ANTXR2: variants seen among roughly 807,000 people sequenced by gnomAD.
The protein encoded by ANTXR2 is anthrax toxin receptor 2.
In ANTXR2, 44 loss-of-function variants were observed where a neutral mutation model predicts 73.7. That is an observed-to-expected ratio of 0.60 (90% CI 0.47 to 0.77). The LOEUF (loss-of-function observed/expected upper bound fraction) is 0.77, where lower values mean the gene tolerates loss of function less well. Among genes scored for constraint, ANTXR2 ranks in the 30% least tolerant of loss-of-function variants. The pLI is 0.00. For synonymous variants in ANTXR2, 217 were observed against 205.9 expected, an observed-to-expected ratio of 1.05 and a Z score of -0.46; for missense variants, 604 against 592.5, an observed-to-expected ratio of 1.02 and a Z score of -0.20.
chr4:79,910,055 A>T (rs1260744317), intron 16 of ANTXR2, among the ~76,000 whole-genome samples: 1 of 152,228 alleles, frequency 6.6e-6, no homozygotes, highest in Non-Finnish European at 1.5e-5. Context: ...TAACTGTGTG[A>T]CCATGGGCGA....
intron 12 of ANTXR2, among the ~76,000 whole-genome samples, chr4:80,003,612 G>A (rs992473199): frequency 2.0e-5 from 3 of 151,854 alleles, no homozygotes; most frequent in Admixed American, 6.6e-5. Context: ...TACATTTAGA[G>A]CCATTTCACC....
chr4:80,061,697 T>C (rs1734269737), intron 3 of ANTXR2, among the ~76,000 whole-genome samples: 2 of 152,104 alleles, frequency 1.3e-5, no homozygotes, highest in African/African-American at 4.8e-5. Context: ...CTTAGAATTG[T>C]ACTTTACCTG....
intron 16 of ANTXR2, among the ~76,000 whole-genome samples, chr4:79,965,538 CAT>C (rs773144713): frequency 2.6e-5 from 4 of 152,168 alleles, no homozygotes; most frequent in Non-Finnish European, 5.9e-5. Flanking sequence ...TAAGCACACA[CAT>C]GGAACTTGTA....
rs183925923 is a variant in ANTXR2 at position 80,032,526 on chromosome 4, T to A, written c.797-834A>T. Among the ~76,000 whole-genome samples, 167 of 152,002 alleles carry A rather than the reference T, an allele frequency of 1.1e-3. 2 individuals are homozygous for A. The highest frequency in any genetic ancestry group is 3.9e-3 in the African/African-American group (160 of 41,544). Reference sequence around the variant, plus strand: ...GAGGAATTAATTATGACATTTAGCATGCTAAGATCCTTACCATTTTAATTC... The same window carrying A: ...GAGGAATTAATTATGACATTTAGCAAGCTAAGATCCTTACCATTTTAATTC... On this transcript the variant is annotated intron_variant, in intron 9 of 16. Transcript: ENST00000403729.
chr4:79,984,884 TA>T, intron 12 of ANTXR2, 21 bp from the exon 13 acceptor site: 1 of 1,564,024 alleles, frequency 6.4e-7, no homozygotes, highest in Non-Finnish European at 8.7e-7. Context: ...AAATCAAATA[TA>T]AAAATTTCTA....
At chr4:80,051,863 A>C (rs1275518524) in intron 7 of ANTXR2, among the ~76,000 whole-genome samples, 2 of 151,688 alleles carry the variant, frequency 1.3e-5, no homozygotes, top group Non-Finnish European at 3.0e-5. Context: ...ATTCTAGACA[A>C]ATGATGTCTT....
chr4:80,016,474 G>GCT lies in ANTXR2; in HGVS notation c.945+2422_945+2423dup, dbSNP rs1731878221. On this transcript the variant is annotated intron_variant, in intron 11 of 16. Coordinates refer to ENST00000403729, the MANE Select transcript of ANTXR2 (RefSeq NM_058172.6). ...GGTACTCTTTCCCTTCTTGCTCTAA[G>GCT]CTCCTGGAAGCCACTATTTCCCAGT... Among the ~76,000 whole-genome samples the GCT allele has an allele frequency of 2.0e-5, 3 of 152,188 alleles. No individual in the cohort carries two copies. In the South Asian group the frequency reaches 6.2e-4, roughly 32 times the overall value.
At chr4:80,042,411 G>C (rs1733310529) in intron 7 of ANTXR2, among the ~76,000 whole-genome samples, 1 of 151,960 alleles carries the variant, frequency 6.6e-6, no homozygotes, top group African/African-American at 2.4e-5. Flanking sequence ...GTTTGGGGGT[G>C]TTTTTCTTTC....
chr4:79,908,055 A>T (rs1355408816), intron 16 of ANTXR2, among the ~76,000 whole-genome samples: 2 of 152,154 alleles, frequency 1.3e-5, no homozygotes, highest in South Asian at 4.1e-4. Flanking sequence ...TCTAAAGAGG[A>T]TTTGCCATTC....
rs915000448 is a variant in ANTXR2, at chr4:79,964,800, G to T, written c.1428+12821C>A. The T allele has an allele frequency of 5.3e-5, 8 of 152,306 alleles. No homozygotes were observed. The East Asian group carries it at 1.4e-3, about 26-fold the overall frequency. 9.4% of individuals were successfully genotyped at this position (152,306 alleles called of 1,614,324 possible). ...GCCGCCGCTGCAAACAGATGTCAGC[G>T]ACAACCTGCTAGCTTACACCTGGAC... is the stretch of plus-strand genomic sequence containing the variant. On this transcript the variant is annotated intron_variant, in intron 16 of 16. Coordinates refer to ENST00000403729, the MANE Select transcript of ANTXR2 (RefSeq NM_058172.6).
intron 16 of ANTXR2, among the ~76,000 whole-genome samples, chr4:79,910,933 C>T (rs1727108329): frequency 6.6e-6 from 1 of 152,096 alleles, no homozygotes; most frequent in Non-Finnish European, 1.5e-5. Flanking sequence ...GTCTTACTTC[C>T]AGGCAACTAC....
At chr4:79,999,632 T>C (rs1349249215) in intron 12 of ANTXR2, among the ~76,000 whole-genome samples, 1 of 152,114 alleles carries the variant, frequency 6.6e-6, no homozygotes, top group Non-Finnish European at 1.5e-5. Context: ...AAATTTATTT[T>C]TTAAAATATG....
chr4:80,045,482 C>T (rs749512077), intron 7 of ANTXR2, among the ~76,000 whole-genome samples: 1 of 151,588 alleles, frequency 6.6e-6, no homozygotes, highest in Non-Finnish European at 1.5e-5. Context: ...TTTACAAGTG[C>T]TCCAGGTGTG....
rs1248612325 is a variant in ANTXR2, at chr4:79,915,858, C to CTATA, written c.1429-8392_1429-8391insTATA. Among the ~76,000 whole-genome samples the CTATA allele has an allele frequency of 9.8e-3, 1,154 of 117,534 alleles. 2 individuals are homozygous for CTATA. Among genetic ancestry groups the CTATA allele is most frequent in the Non-Finnish European group, 0.013 (684 of 54,328 alleles). 77.1% of individuals were successfully genotyped at this position (117,534 alleles called of 152,430 possible). ...TCTCTCTCTCTCTCTCTCTCTCTCTCTCTCTATATATATATATATACATAA... is the reference window on the plus strand; with the variant it reads ...TCTCTCTCTCTCTCTCTCTCTCTCTCTATATCTCTATATATATATATATACATAA... On this transcript the variant is annotated intron_variant, in intron 16 of 16. Transcript: ENST00000403729.
At position 80,071,648 on chromosome 4, in the gene ANTXR2, C is replaced by T. The variant is rs1734792012; in HGVS notation, c.159G>A (p.Gly53=). Residue 53 remains glycine, a synonymous_variant, in exon 2 of 17, where the codon GGG becomes GGA. Transcript: ENST00000403729. Reference sequence around the variant, plus strand: ...TTTCAATCCAGTTATTTGCCACACTCCCAGACCTGAAAGATGAAATTGAAC... The same window carrying T: ...TTTCAATCCAGTTATTTGCCACACTTCCAGACCTGAAAGATGAAATTGAAC... ...FDLYFVLDKS[G]SVANNWIEIY... The T allele has an allele frequency of 6.2e-7, 1 of 1,611,268 alleles. No individual in the cohort carries two copies. The highest frequency in any genetic ancestry group is 1.3e-5 in the African/African-American group (1 of 74,956).
chr4:79,919,575 G>T (rs931685232), intron 16 of ANTXR2, among the ~76,000 whole-genome samples: 2 of 151,890 alleles, frequency 1.3e-5, no homozygotes, highest in African/African-American at 4.8e-5. Flanking sequence ...TTAGTCTTCT[G>T]GCCTATATCT....
At chr4:79,965,420 G>A (rs1729325054) in intron 16 of ANTXR2, among the ~76,000 whole-genome samples, 1 of 152,070 alleles carries the variant, frequency 6.6e-6, no homozygotes, top group South Asian at 2.1e-4. Flanking sequence ...CTTTAAAAAA[G>A]GAAGCATTCT....
intron 16 of ANTXR2, chr4:79,964,820 C>T (rs1729292417): frequency 6.6e-6 from 1 of 152,222 alleles, no homozygotes; most frequent in Admixed American, 6.5e-5. Context: ...TAGCTTACAC[C>T]TGGACGCGCG....
At chr4:80,009,416 T>C (rs6534703) in intron 11 of ANTXR2, among the ~76,000 whole-genome samples, 16,592 of 152,246 alleles carry the variant, frequency 0.11, 2,955 homozygotes, top group African/African-American at 0.37. Flanking sequence ...CTTTAGTACT[T>C]ATCACGATGC....
Sources: gnomAD v4.1 joint callset for allele counts (sites outside exome capture counted in the v4.1 genomes callset) on GRCh38, gnomAD v4.1.1 for gene constraint, MANE v1.5 for transcripts, NCBI Gene and HGNC (gene_info 2026-07-23, HGNC 2026-07-21) for gene names.